The following ANKRD11 variants were observed in gnomAD, a reference collection of about 807,000 sequenced individuals.
ANKRD11 encodes ankyrin repeat domain-containing protein 11.
A neutral mutation model predicts 195.7 loss-of-function variants in ANKRD11; 17 were observed. The observed-to-expected ratio is 0.09, with a 90% CI of 0.06 to 0.13. The LOEUF is 0.13. ANKRD11 is among the 10% of genes least tolerant of loss of function. The pLI is 1.00. For synonymous variants in ANKRD11, 1,953 were observed against 1,528.1 expected, an observed-to-expected ratio of 1.28 and a Z score of -6.49; for missense variants, 3,735 against 3,566.1, an observed-to-expected ratio of 1.05 and a Z score of -1.21.
chr16:89,433,063 A>G (rs1234354275), intron 1 of ANKRD11, among the ~76,000 whole-genome samples: 1 of 152,046 alleles, frequency 6.6e-6, no homozygotes, highest in Non-Finnish European at 1.5e-5. Flanking sequence ...GCATTGCCAT[A>G]ATAAAAACAG....
Position 89,273,427 on chromosome 16 carries a change from T to C in ANKRD11, c.7713+1387A>G, listed in dbSNP as rs189085882. Among the ~76,000 whole-genome samples the C allele has an allele frequency of 3.3e-5, 5 of 152,208 alleles. No individual in the cohort carries two copies. The East Asian group carries it at 9.6e-4, about 29-fold the overall frequency. ...CTTTAAAGAAAATCTGTCGGCTGGG[T>C]GCGGTGGCTCACGCCTGTAACTCCC... On this transcript the variant is annotated intron_variant, in intron 11 of 12. Transcript: ENST00000301030.
intron 2 of ANKRD11, among the ~76,000 whole-genome samples, chr16:89,382,669 G>A (rs1041577511): frequency 6.6e-6 from 1 of 150,872 alleles, no homozygotes; most frequent in Non-Finnish European, 1.5e-5. Context: ...TCCAGTAGAT[G>A]GGGTCTCACT....
chr16:89,372,034 C>G lies in ANKRD11; in HGVS notation c.-60+46250G>C, dbSNP rs571626056. On this transcript the variant is annotated intron_variant, in intron 2 of 12. Transcript: ENST00000301030. The stretch of plus-strand genomic sequence containing the variant: ...GGCCAAGAACATGGTGAAGCCAGGA[C>G]TGAGCACTCACACTGAAACCAGTGG... Among the ~76,000 whole-genome samples, 88 of 152,332 alleles carry G rather than the reference C, an allele frequency of 5.8e-4. No individual in the cohort carries two copies. The South Asian group carries it at 0.016, about 28-fold the overall frequency.
chr16:89,407,668 TAC>T (rs112958844), intron 2 of ANKRD11, among the ~76,000 whole-genome samples: 31 of 150,756 alleles, frequency 2.1e-4, no homozygotes, highest in African/African-American at 4.6e-4. Context: ...CAAACACACA[TAC>T]ACACACACAC....
At chr16:89,325,671 G>A (rs892034626) in intron 2 of ANKRD11, among the ~76,000 whole-genome samples, 12 of 152,222 alleles carry the variant, frequency 7.9e-5, no homozygotes, top group Non-Finnish European at 1.5e-4. Flanking sequence ...TGAAGGCTGC[G>A]GAGGCGTTTG....
chr16:89,375,175 C>G (rs1208624606), intron 2 of ANKRD11, among the ~76,000 whole-genome samples: 2 of 152,120 alleles, frequency 1.3e-5, no homozygotes, highest in East Asian at 3.9e-4. Context: ...ACAGCCACAG[C>G]CTGTGCTACC....
intron 1 of ANKRD11, among the ~76,000 whole-genome samples, chr16:89,474,510 C>G (rs1268799440): frequency 1.3e-5 from 2 of 151,920 alleles, no homozygotes; most frequent in Non-Finnish European, 1.5e-5. Flanking sequence ...CACACATCAT[C>G]CCATTTGAAA....
At position 89,279,019 on chromosome 16, in the gene ANKRD11, C is replaced by T; in HGVS notation, c.7470+53G>A. ...CTGGAGGAAGCCGTGACTAGGGGCC[C>T]CAGACGCATCCCAGAGAGAGAAGGC... On this transcript the variant is annotated intron_variant, in intron 9 of 12. Transcript: ENST00000301030. This position sits in a 1 kb window ranked among gnomAD's most constrained non-coding sequence, Gnocchi z 5.6. 6.2e-7 allele frequency: 1 copy of T among 1,606,814 alleles called. No individual in the cohort carries two copies. The highest frequency in any genetic ancestry group is 1.3e-5 in the African/African-American group (1 of 74,824).
intron 1 of ANKRD11, among the ~76,000 whole-genome samples, chr16:89,438,672 G>C (rs1289479165): frequency 1.3e-5 from 2 of 152,088 alleles, no homozygotes; most frequent in Non-Finnish European, 2.9e-5. Context: ...GGTCATGATG[G>C]ACAGTTTGGA....
At chr16:89,330,958 C>T (rs2038034200) in intron 2 of ANKRD11, among the ~76,000 whole-genome samples, 1 of 152,148 alleles carries the variant, frequency 6.6e-6, no homozygotes, top group Admixed American at 6.5e-5. Flanking sequence ...AAGCAAAACA[C>T]CTTCCTTTTT....
chr16:89,477,008 G>A (rs967345304), intron 1 of ANKRD11, among the ~76,000 whole-genome samples: 7 of 152,298 alleles, frequency 4.6e-5, no homozygotes, highest in African/African-American at 7.2e-5. Flanking sequence ...GAAGTGAGTG[G>A]AAGACCACAC....
chr16:89,308,211 T>G (rs1172655461), intron 3 of ANKRD11, among the ~76,000 whole-genome samples: 1 of 152,162 alleles, frequency 6.6e-6, no homozygotes, highest in East Asian at 1.9e-4. Context: ...ACACAAATGA[T>G]AGGAATAAGA....
chr16:89,402,312 G>A (rs1193829088), intron 2 of ANKRD11, among the ~76,000 whole-genome samples: 1 of 152,122 alleles, frequency 6.6e-6, no homozygotes, highest in Non-Finnish European at 1.5e-5. Context: ...CGATACTAAT[G>A]TACAGTTCAC....
chr16:89,269,215 G>C (rs953900858), intron 12 of ANKRD11, among the ~76,000 whole-genome samples: 9 of 152,142 alleles, frequency 5.9e-5, no homozygotes, highest in African/African-American at 2.2e-4. Context: ...GAGTGCAGTG[G>C]TGCAATCATG....
At chr16:89,407,732 C>G (rs1180720159) in intron 2 of ANKRD11, among the ~76,000 whole-genome samples, 1 of 152,012 alleles carries the variant, frequency 6.6e-6, no homozygotes, top group African/African-American at 2.4e-5. Flanking sequence ...CCCCTGCAGT[C>G]CCAGCTACTT....
At chr16:89,313,398 C>G (rs148822359) in intron 3 of ANKRD11, 4 of 1,288,530 alleles carry the variant, frequency 3.1e-6, no homozygotes, top group Non-Finnish European at 4.0e-6. Context: ...ATTCCGTGGT[C>G]GGCAATGGTG....
intron 2 of ANKRD11, among the ~76,000 whole-genome samples, chr16:89,347,343 C>T (rs1322023400): frequency 1.3e-5 from 2 of 152,200 alleles, no homozygotes; most frequent in Non-Finnish European, 2.9e-5. Context: ...GGCACACTGG[C>T]TCATGCCTGT....
At chr16:89,381,147 A>G (rs1185982508) in intron 2 of ANKRD11, among the ~76,000 whole-genome samples, 1 of 152,078 alleles carries the variant, frequency 6.6e-6, no homozygotes, top group African/African-American at 2.4e-5. Flanking sequence ...ACATGGCGAA[A>G]CCCTATTTCT....
chr16:89,357,363 G>A (rs1451088649), intron 2 of ANKRD11, among the ~76,000 whole-genome samples: 1 of 152,146 alleles, frequency 6.6e-6, no homozygotes, highest in Non-Finnish European at 1.5e-5. Flanking sequence ...CACCTCACAG[G>A]GAACCAGGGG....
Sources: allele counts gnomAD v4.1 joint callset (sites outside exome capture counted in the v4.1 genomes callset), GRCh38; gene constraint gnomAD v4.1.1; non-coding constraint Gnocchi (gnomAD v3.1); transcripts MANE v1.5; gene names NCBI Gene and HGNC (gene_info 2026-07-23, HGNC 2026-07-21).